The following DPP10 variants were observed in gnomAD, a reference collection of about 807,000 sequenced individuals.
The protein encoded by DPP10 is inactive dipeptidyl peptidase 10.
In DPP10, 33 loss-of-function variants were observed where a neutral mutation model predicts 120.9. The ratio of observed to expected loss-of-function variants is 0.27; its 90% CI spans 0.21 to 0.37. DPP10 has a LOEUF of 0.37. DPP10 is among the 10% of genes least tolerant of loss of function. The probability of loss-of-function intolerance (pLI) is 1.00; values close to 1 mark genes in which losing one functional copy is unlikely to be tolerated. For synonymous variants in DPP10, 337 were observed against 326.1 expected (o/e 1.03, Z -0.36); for missense variants, 816 against 942.8 (o/e 0.87, Z 1.76).
intron 1 of DPP10, among the ~76,000 whole-genome samples, chr2:115,169,610 G>T (rs573597336): frequency 9.1e-4 from 138 of 152,088 alleles, no homozygotes; most frequent in Non-Finnish European, 1.7e-3. Flanking sequence ...TATGTTCATG[G>T]TTTAATATTC....
intron 3 of DPP10, among the ~76,000 whole-genome samples, chr2:115,347,800 A>G (rs2063783529): frequency 6.6e-6 from 1 of 152,128 alleles, no homozygotes; most frequent in Non-Finnish European, 1.5e-5. Flanking sequence ...TGTCCCTGCA[A>G]AGGACATGAA....
At chr2:115,521,975 G>A (rs2077837906) in intron 4 of DPP10, among the ~76,000 whole-genome samples, 1 of 152,028 alleles carries the variant, frequency 6.6e-6, no homozygotes, top group South Asian at 2.1e-4. Flanking sequence ...ATTTTTTGAA[G>A]TTTATTCTCA....
intron 1 of DPP10, among the ~76,000 whole-genome samples, chr2:114,614,022 G>A (rs552966436): frequency 6.6e-6 from 1 of 152,024 alleles, no homozygotes; most frequent in African/African-American, 2.4e-5. Context: ...AATGCATGTG[G>A]GGCTTAAAAT....
At chr2:114,947,295 A>G (rs1230686141) in intron 1 of DPP10, among the ~76,000 whole-genome samples, 1 of 151,552 alleles carries the variant, frequency 6.6e-6, no homozygotes, top group African/African-American at 2.4e-5. Context: ...CACAAATTTT[A>G]ATTTTTTTTT....
intron 1 of DPP10, among the ~76,000 whole-genome samples, chr2:114,711,581 A>G (rs1701033155): frequency 6.6e-6 from 1 of 152,184 alleles, no homozygotes; most frequent in African/African-American, 2.4e-5. Flanking sequence ...CATGTCTGCA[A>G]AATGCTTAAA....
chr2:115,454,649 A>G (rs892772124), intron 3 of DPP10, among the ~76,000 whole-genome samples: 6 of 151,850 alleles, frequency 4.0e-5, no homozygotes, highest in African/African-American at 1.2e-4. Context: ...TAATATTTCT[A>G]TTAAAATCTG....
chr2:114,725,201 A>G (rs1461534650), intron 1 of DPP10, among the ~76,000 whole-genome samples: 1 of 152,200 alleles, frequency 6.6e-6, no homozygotes, highest in African/African-American at 2.4e-5. Flanking sequence ...AAACTCTTCC[A>G]TTAAAATTAT....
At chr2:115,223,358 G>A (rs1237357185) in intron 1 of DPP10, among the ~76,000 whole-genome samples, 2 of 152,090 alleles carry the variant, frequency 1.3e-5, no homozygotes, top group Non-Finnish European at 2.9e-5. Flanking sequence ...GGATTCATAG[G>A]TTTAATTATG....
intron 3 of DPP10, among the ~76,000 whole-genome samples, chr2:115,362,950 C>T (rs1421394646): frequency 1.3e-5 from 2 of 152,180 alleles, no homozygotes; most frequent in African/African-American, 4.8e-5. Flanking sequence ...CAGTTGATAA[C>T]ACCTTGGTAT....
rs2059927841 is a variant in DPP10, at chr2:115,276,529, G to T, written c.61-32710G>T. 2.0e-5 allele frequency among the ~76,000 whole-genome samples: 3 copies of T among 152,220 alleles called. No homozygotes were observed. The South Asian group carries it at 6.2e-4, about 32-fold the overall frequency. On this transcript the variant is annotated intron_variant, in intron 1 of 25. Coordinates refer to ENST00000410059, the MANE Select transcript of DPP10 (RefSeq NM_020868.6). ...CCTAGAGCAAGAACAGGGCTAGGTTGAGTGTCCAAGAGAAGACTGTCACAG... is the reference window on the plus strand; with the variant it reads ...CCTAGAGCAAGAACAGGGCTAGGTTTAGTGTCCAAGAGAAGACTGTCACAG...
At chr2:114,889,749 C>T (rs980904218) in intron 1 of DPP10, among the ~76,000 whole-genome samples, 1 of 152,216 alleles carries the variant, frequency 6.6e-6, no homozygotes, top group African/African-American at 2.4e-5. Context: ...ATAAAATTTT[C>T]ACAATAGTAC....
intron 1 of DPP10, among the ~76,000 whole-genome samples, chr2:115,104,575 T>C: frequency 6.6e-6 from 1 of 152,178 alleles, no homozygotes; most frequent in East Asian, 1.9e-4. Flanking sequence ...TTCATCCCTG[T>C]TTTTTGTAAG....
intron 3 of DPP10, among the ~76,000 whole-genome samples, chr2:115,407,405 T>C (rs1197456719): frequency 6.6e-6 from 1 of 152,148 alleles, no homozygotes; most frequent in Non-Finnish European, 1.5e-5. Context: ...CAATCTTAAC[T>C]GCTTCCTGAA....
intron 1 of DPP10, among the ~76,000 whole-genome samples, chr2:114,593,204 A>T (rs974233395): frequency 6.6e-6 from 1 of 152,246 alleles, no homozygotes; most frequent in Non-Finnish European, 1.5e-5. Context: ...CAAGAAAAAA[A>T]TGAATCATAA....
At position 115,689,883 on chromosome 2, in the gene DPP10, T is replaced by C. The variant is rs368671701; in HGVS notation, c.538T>C (p.Leu180=). 8.1e-6 allele frequency: 13 copies of C among 1,613,840 alleles called. No homozygotes were observed. Among genetic ancestry groups the C allele is most frequent in the African/African-American group, 2.7e-5 (2 of 74,916 alleles). Residue 180 remains leucine, a synonymous_variant, in exon 7 of 26, where the codon TTG becomes CTG. Transcript: ENST00000410059. Reference sequence around the variant, plus strand: ...TCCTCCAGAAGTAGAGGACTCCGTCTTGCAGTACGCGGCCTGGGGTGTCCA... The same window carrying C: ...TCCTCCAGAAGTAGAGGACTCCGTCCTGCAGTACGCGGCCTGGGGTGTCCA... ...LNPPEVEDSV[L]QYAAWGVQGQ...
chr2:114,689,304 C>T (rs912973543), intron 1 of DPP10, among the ~76,000 whole-genome samples: 1 of 151,888 alleles, frequency 6.6e-6, no homozygotes, highest in Non-Finnish European at 1.5e-5. Context: ...TGTCACTCAG[C>T]TCCCACTTAT....
intron 1 of DPP10, among the ~76,000 whole-genome samples, chr2:114,477,884 T>C (rs1366830578): frequency 4.0e-5 from 6 of 148,614 alleles, no homozygotes; most frequent in African/African-American, 1.5e-4. Context: ...TATATGTGTA[T>C]ATATGTACAT....
chr2:115,136,379 G>A (rs983829), intron 1 of DPP10, among the ~76,000 whole-genome samples: 19,547 of 152,158 alleles, frequency 0.13, 1,635 homozygotes, highest in East Asian at 0.29. Flanking sequence ...ATTAGTAACA[G>A]ATGGCAATGT....
chr2:115,826,962 T>C (rs578137238), intron 21 of DPP10, among the ~76,000 whole-genome samples: 5 of 152,274 alleles, frequency 3.3e-5, no homozygotes, highest in African/African-American at 1.2e-4. Flanking sequence ...TTAAATAATG[T>C]ATTTAGCTCT....
Sources: gnomAD v4.1 joint callset for allele counts (sites outside exome capture counted in the v4.1 genomes callset) on GRCh38, gnomAD v4.1.1 for gene constraint, MANE v1.5 for transcripts, NCBI Gene and HGNC (gene_info 2026-07-23, HGNC 2026-07-21) for gene names.